The following GPC6 variants were observed in gnomAD, a reference collection of about 807,000 sequenced individuals.
The protein encoded by GPC6 is glypican-6.
A neutral mutation model predicts 55.2 loss-of-function variants in GPC6; 14 were observed. That is an observed-to-expected ratio of 0.25 (90% CI 0.17 to 0.40). The LOEUF (loss-of-function observed/expected upper bound fraction) is 0.40. GPC6 is among the 10% of genes least tolerant of loss of function. The pLI is 1.00. For synonymous variants in GPC6, 278 were observed against 259.6 expected (o/e 1.07, Z -0.68); for missense variants, 641 against 708.5 (o/e 0.90, Z 1.08).
Position 93,572,659 on chromosome 13 carries a change from T to A in GPC6, c.319+27238T>A, listed in dbSNP as rs147507579. ...ATAAAAACTATAGAAGGATATAAAT[T>A]CTCAGAGATAGTATACCTAATTGGT... On this transcript the variant is annotated intron_variant, in intron 2 of 8. Transcript: ENST00000377047. 3.0e-3 allele frequency among the ~76,000 whole-genome samples: 455 copies of A among 152,282 alleles called. 10 individuals carry two copies. In the East Asian group the frequency reaches 0.034, roughly 11 times the overall value.
At chr13:93,683,638 T>G (rs1363539149) in intron 2 of GPC6, among the ~76,000 whole-genome samples, 1 of 152,162 alleles carries the variant, frequency 6.6e-6, no homozygotes, top group Non-Finnish European at 1.5e-5. Context: ...ACAATTTATA[T>G]TTTTACATAT....
chr13:93,244,799 T>G (rs60426741), intron 1 of GPC6, among the ~76,000 whole-genome samples: 9,637 of 152,290 alleles, frequency 0.063, 326 homozygotes, highest in Non-Finnish European at 0.075. Context: ...ATCCAAAGTT[T>G]CTTTCACTTT....
intron 1 of GPC6, among the ~76,000 whole-genome samples, chr13:93,451,933 G>A (rs573212030): frequency 1.3e-5 from 2 of 152,018 alleles, no homozygotes; most frequent in East Asian, 3.9e-4. Context: ...TAATCTAGGT[G>A]GAAGAAAAAA....
intron 2 of GPC6, among the ~76,000 whole-genome samples, chr13:93,724,197 C>G (rs1437624885): frequency 1.3e-5 from 2 of 151,922 alleles, no homozygotes; most frequent in Non-Finnish European, 2.9e-5. Flanking sequence ...CATGTAGGGA[C>G]AGCAGTTGCT....
At chr13:93,236,160 C>T (rs1321919905) in intron 1 of GPC6, among the ~76,000 whole-genome samples, 1 of 152,222 alleles carries the variant, frequency 6.6e-6, no homozygotes, top group Non-Finnish European at 1.5e-5. Context: ...TATGGTCTTT[C>T]AGCTGGACCC....
chr13:93,881,728 T>G (rs573461703), intron 3 of GPC6, among the ~76,000 whole-genome samples: 1 of 152,266 alleles, frequency 6.6e-6, no homozygotes, highest in African/African-American at 2.4e-5. Flanking sequence ...AATATATATA[T>G]ATTAAACTAA....
At chr13:93,617,788 A>G (rs957918039) in intron 2 of GPC6, among the ~76,000 whole-genome samples, 1 of 152,128 alleles carries the variant, frequency 6.6e-6, no homozygotes, top group African/African-American at 2.4e-5. Flanking sequence ...AATACTCTAT[A>G]ACCTATTTGC....
chr13:93,954,782 A>T (rs991206222), intron 3 of GPC6, among the ~76,000 whole-genome samples: 1 of 152,142 alleles, frequency 6.6e-6, no homozygotes, highest in Non-Finnish European at 1.5e-5. Flanking sequence ...CTCTAAGTAA[A>T]TATAAGATGT....
At chr13:93,722,257 T>C (rs948577198) in intron 2 of GPC6, among the ~76,000 whole-genome samples, 8 of 151,822 alleles carry the variant, frequency 5.3e-5, no homozygotes, top group Admixed American at 1.3e-4. Flanking sequence ...TATATACTTG[T>C]AATTAGGTTC....
At chr13:93,390,111 A>T (rs1198303725) in intron 1 of GPC6, among the ~76,000 whole-genome samples, 1 of 152,066 alleles carries the variant, frequency 6.6e-6, no homozygotes, top group African/African-American at 2.4e-5. Flanking sequence ...TGACAAACAG[A>T]GGAGGAAAAT....
At chr13:94,015,623 A>G (rs1882434190) in intron 3 of GPC6, among the ~76,000 whole-genome samples, 1 of 151,876 alleles carries the variant, frequency 6.6e-6, no homozygotes, top group South Asian at 2.1e-4. Context: ...TGTTTCTTTC[A>G]TTTGCTCTTA....
intron 2 of GPC6, among the ~76,000 whole-genome samples, chr13:93,696,728 T>C (rs1882470887): frequency 6.6e-6 from 1 of 151,622 alleles, no homozygotes. Flanking sequence ...GTTCAAATGA[T>C]TCTCCTGCCT....
chr13:93,952,172 A>G lies in GPC6; in HGVS notation c.712-75557A>G, dbSNP rs982786605. Reference sequence around the variant, plus strand: ...GAAACATCTGGAGGAAGGAAGTTAGAGAAGAAAATTTGGCAATCAAACAGA... The same window carrying G: ...GAAACATCTGGAGGAAGGAAGTTAGGGAAGAAAATTTGGCAATCAAACAGA... On this transcript the variant is annotated intron_variant, in intron 3 of 8. Transcript: ENST00000377047. Among the ~76,000 whole-genome samples, 4 of 152,174 alleles carry G rather than the reference A, an allele frequency of 2.6e-5. No homozygotes were observed. In the East Asian group the frequency reaches 7.7e-4, roughly 29 times the overall value.
chr13:93,252,700 G>T lies in GPC6; in HGVS notation c.160+25084G>T, dbSNP rs757238734. The stretch of plus-strand genomic sequence containing the variant: ...TCAAATTGCCTCTAAGATGTCAGAG[G>T]TCATTCTAACACATATTTTTATTCC... On this transcript the variant is annotated intron_variant, in intron 1 of 8. Transcript: ENST00000377047. Among the ~76,000 whole-genome samples the T allele has an allele frequency of 5.3e-5, 8 of 152,278 alleles. No individual in the cohort carries two copies. In the South Asian group the frequency reaches 1.0e-3, roughly 20 times the overall value.
At chr13:94,016,620 A>G (rs1186284138) in intron 3 of GPC6, among the ~76,000 whole-genome samples, 1 of 152,208 alleles carries the variant, frequency 6.6e-6, no homozygotes, top group Non-Finnish European at 1.5e-5. Context: ...AGCTGTTAGA[A>G]TTTTGAAAGA....
At chr13:93,472,944 T>C (rs1879175668) in intron 1 of GPC6, among the ~76,000 whole-genome samples, 1 of 152,152 alleles carries the variant, frequency 6.6e-6, no homozygotes, top group African/African-American at 2.4e-5. Context: ...TGCAGACAGA[T>C]TGTCTCATGT....
At chr13:94,290,429 T>TAAAAAAAAAAAAAAAAAAG (rs1874893549) in intron 5 of GPC6, among the ~76,000 whole-genome samples, 2 of 99,044 alleles carry the variant, frequency 2.0e-5, no homozygotes, top group South Asian at 3.2e-4. Context: ...TCTAGAAAGG[T>TAAAAAAAAAAAAAAAAAAG]AAAAAAAAAA....
intron 1 of GPC6, among the ~76,000 whole-genome samples, chr13:93,265,935 T>G (rs1198634549): frequency 6.6e-6 from 1 of 152,164 alleles, no homozygotes; most frequent in African/African-American, 2.4e-5. Flanking sequence ...TGTCCTGATA[T>G]TCATAGGTTG....
At chr13:94,316,885 T>C (rs1046337372) in intron 6 of GPC6, among the ~76,000 whole-genome samples, 1 of 152,204 alleles carries the variant, frequency 6.6e-6, no homozygotes, top group Non-Finnish European at 1.5e-5. Context: ...ATTTTTCTGC[T>C]TTTCTTTCTG....
Sources: allele counts gnomAD v4.1 joint callset (sites outside exome capture counted in the v4.1 genomes callset), GRCh38; gene constraint gnomAD v4.1.1; transcripts MANE v1.5; gene names NCBI Gene and HGNC (gene_info 2026-07-23, HGNC 2026-07-21).